Variants in TRPC5OS observed in about 807,000 individuals in gnomAD.
TRPC5OS encodes the protein putative uncharacterized protein TRPC5OS.
For missense variants in TRPC5OS, 64 were observed against 79.3 expected (o/e 0.81, Z 0.73); for synonymous variants, 30 against 29.3 (o/e 1.02, Z -0.08).
intron 1 of TRPC5OS, among the ~76,000 whole-genome samples, chrX:111,894,965 G>A (rs1187352066): frequency 9.1e-6 from 1 of 110,345 alleles, no homozygotes; most frequent in South Asian, 4.2e-4. Flanking sequence ...TAGTGATATG[G>A]TAGCTAATTT....
rs1271622863 is a variant in TRPC5OS, at chrX:111,903,626, T to C, written c.*1441T>C. 1 of 111,872 alleles carries C rather than the reference T, an allele frequency of 8.9e-6. No homozygotes were observed. Among genetic ancestry groups the C allele is most frequent in the Non-Finnish European group, 1.9e-5 (1 of 53,189 alleles). The allele number at this position is 111,872 out of a possible 1,213,427, so 9.2% of individuals were successfully genotyped here. A position where few individuals can be genotyped will look rare whatever the true frequency, so the allele number is the denominator to read the frequency against. On this transcript the variant is annotated 3_prime_UTR_variant, in exon 4 of 4. Transcript: ENST00000635763. Reference sequence around the variant, plus strand: ...ATCTCCTCCAGGAGAATGGAGTGAGTGGCTGATCCTTTATGCAAATTAGCC... The same window carrying C: ...ATCTCCTCCAGGAGAATGGAGTGAGCGGCTGATCCTTTATGCAAATTAGCC...
chrX:111,883,945 G>A (rs1027744487), intron 1 of TRPC5OS, among the ~76,000 whole-genome samples: 4 of 112,884 alleles, frequency 3.5e-5, no homozygotes, highest in African/African-American at 1.3e-4. Flanking sequence ...CAGGGCTTCA[G>A]CCTAGTTAAG....
intron 1 of TRPC5OS, among the ~76,000 whole-genome samples, chrX:111,882,759 G>A (rs1052427958): frequency 3.6e-5 from 4 of 112,508 alleles, no homozygotes; most frequent in African/African-American, 1.3e-4. Flanking sequence ...CAGAGTCTAA[G>A]TCTAGTTAAG....
At chrX:111,898,016 T>G (rs923034086) in intron 3 of TRPC5OS, among the ~76,000 whole-genome samples, 1 of 110,412 alleles carries the variant, frequency 9.1e-6, no homozygotes, top group African/African-American at 3.3e-5. Flanking sequence ...GTGTGAGAAT[T>G]CTGGTTCCTC....
At chrX:111,878,129 T>C (rs948719263) in intron 1 of TRPC5OS, among the ~76,000 whole-genome samples, 1 of 110,570 alleles carries the variant, frequency 9.0e-6, no homozygotes, top group African/African-American at 3.3e-5. Context: ...AAGATCCAAC[T>C]CTTCTTGGAA....
chrX:111,882,131 A>G (rs932944034), intron 1 of TRPC5OS: 9 of 112,438 alleles, frequency 8.0e-5, no homozygotes, highest in Non-Finnish European at 1.7e-4. Context: ...TAAGTTTGTT[A>G]CAAACTTATT....
At chrX:111,893,416 A>C (rs1168179930) in intron 1 of TRPC5OS, among the ~76,000 whole-genome samples, 2 of 111,861 alleles carry the variant, frequency 1.8e-5, no homozygotes, top group Non-Finnish European at 3.8e-5. Flanking sequence ...TACCAGGTTA[A>C]GATTGAGTGT....
At chrX:111,881,581 G>C (rs1222186509) in intron 1 of TRPC5OS, among the ~76,000 whole-genome samples, 4 of 111,516 alleles carry the variant, frequency 3.6e-5, no homozygotes, top group Non-Finnish European at 5.6e-5. Flanking sequence ...CTCCCAGGTG[G>C]AGTGTTACAT....
chrX:111,893,736 C>T (rs1924922764), intron 1 of TRPC5OS, among the ~76,000 whole-genome samples: 1 of 111,744 alleles, frequency 8.9e-6, no homozygotes, highest in Non-Finnish European at 1.9e-5. Context: ...TCCTTTCTTT[C>T]TTGATAAATT....
chrX:111,883,768 G>A (rs983841467), intron 1 of TRPC5OS, among the ~76,000 whole-genome samples: 1 of 112,700 alleles, frequency 8.9e-6, no homozygotes, highest in Non-Finnish European at 1.9e-5. Flanking sequence ...TCTAGTCAGA[G>A]CCAGGTTAAG....
chrX:111,898,916 A>G (rs1737606469), intron 3 of TRPC5OS, among the ~76,000 whole-genome samples: 1 of 110,320 alleles, frequency 9.1e-6, no homozygotes, highest in Admixed American at 9.8e-5. Flanking sequence ...GATATAGCTA[A>G]TAAAAAGTCC....
intron 1 of TRPC5OS, among the ~76,000 whole-genome samples, chrX:111,887,493 A>G (rs1434737834): frequency 1.8e-5 from 2 of 112,186 alleles, no homozygotes; most frequent in African/African-American, 6.5e-5. Context: ...CTCAAGGACT[A>G]CAGGCTTTGC....
chrX:111,902,090 G>C lies in TRPC5OS; in HGVS notation c.241G>C (p.Asp81His). Residue 81 changes from aspartate to histidine, a missense_variant, in exon 4 of 4, where the codon GAC (aspartate) becomes CAC (histidine). Physicochemically the swap from Asp to His is moderately conservative, Grantham distance 81. Coordinates refer to ENST00000635763, the MANE Select transcript of TRPC5OS (RefSeq NM_001195578.2). ...DSILTPREDE[D>H]LIFDIDQAML... is the part of the protein sequence containing the mutation. Reference sequence around the variant, plus strand: ...AATACTTACACCAAGAGAGGATGAAGACCTAATATTTGATATAGATCAGGC... The same window carrying C: ...AATACTTACACCAAGAGAGGATGAACACCTAATATTTGATATAGATCAGGC... 1 of 1,154,366 alleles carries C rather than the reference G, an allele frequency of 8.7e-7. No homozygotes were observed. The highest frequency in any genetic ancestry group is 1.1e-6 in the Non-Finnish European group (1 of 871,869).
chrX:111,887,680 AG>A (rs1369669826), intron 1 of TRPC5OS, among the ~76,000 whole-genome samples: 1 of 112,383 alleles, frequency 8.9e-6, no homozygotes, highest in Non-Finnish European at 1.9e-5. Context: ...ATAGTAATTA[AG>A]ATGATTAAAT....
At position 111,877,499 on chromosome X, in the gene TRPC5OS, A is replaced by G. The variant is rs12688427; in HGVS notation, c.-546+1226A>G. Among the ~76,000 whole-genome samples the G allele has an allele frequency of 6.3e-5, 7 of 110,711 alleles. No homozygotes were observed. In the East Asian group the frequency reaches 1.7e-3, roughly 27 times the overall value. On this transcript the variant is annotated intron_variant, in intron 1 of 3. Coordinates refer to ENST00000635763, the MANE Select transcript of TRPC5OS (RefSeq NM_001195578.2). Reference sequence around the variant, plus strand: ...GTCCTGGGTAAACCTCAAGTTTAGGATATGTTGGATTTGAGGTATGTATGG... The same window carrying G: ...GTCCTGGGTAAACCTCAAGTTTAGGGTATGTTGGATTTGAGGTATGTATGG...
intron 1 of TRPC5OS, among the ~76,000 whole-genome samples, chrX:111,894,879 T>C (rs757247286): frequency 8.1e-5 from 9 of 111,581 alleles, no homozygotes; most frequent in African/African-American, 2.6e-4. Flanking sequence ...CCCTTCCCAG[T>C]CAATAACCCC....
intron 1 of TRPC5OS, among the ~76,000 whole-genome samples, chrX:111,892,079 C>T (rs2148607652): frequency 8.9e-6 from 1 of 111,978 alleles, no homozygotes; most frequent in Non-Finnish European, 1.9e-5. Flanking sequence ...GTAAAATAAA[C>T]TAACCTGTTC....
chrX:111,886,750 G>A (rs114491496), intron 1 of TRPC5OS, among the ~76,000 whole-genome samples: 11,425 of 111,674 alleles, frequency 0.1, 1,362 homozygotes, highest in African/African-American at 0.34. Context: ...AGAAGGTACC[G>A]AGGACTTGGC....
At position 111,884,696 on chromosome X, in the gene TRPC5OS, G is replaced by A. The variant is rs139682578; in HGVS notation, c.-546+8423G>A. Among the ~76,000 whole-genome samples the A allele has an allele frequency of 8.0e-5, 9 of 112,978 alleles. No individual in the cohort carries two copies. The South Asian group carries it at 2.2e-3, about 27-fold the overall frequency. ...AGCTAGTTAACACAATTAAGGCCTCGTCAGCCCAGTTAAAGACTAGCAAGG... is the reference window on the plus strand; with the variant it reads ...AGCTAGTTAACACAATTAAGGCCTCATCAGCCCAGTTAAAGACTAGCAAGG... On this transcript the variant is annotated intron_variant, in intron 1 of 3. Coordinates refer to ENST00000635763, the MANE Select transcript of TRPC5OS (RefSeq NM_001195578.2).
Sources: gnomAD v4.1 joint callset for allele counts (sites outside exome capture counted in the v4.1 genomes callset) on GRCh38, gnomAD v4.1.1 for gene constraint, MANE v1.5 for transcripts, NCBI Gene and HGNC (gene_info 2026-07-23, HGNC 2026-07-21) for gene names.